Variants in CSMD1 observed in about 807,000 individuals in gnomAD.
CSMD1 encodes the protein CUB and Sushi multiple domains 1, also known as CUB and sushi domain-containing protein 1.
A neutral mutation model predicts 417.5 loss-of-function variants in CSMD1; 213 were observed. The ratio of observed to expected loss-of-function variants is 0.51; its 90% CI spans 0.46 to 0.57. The LOEUF is 0.57. Among genes scored for constraint, CSMD1 ranks in the 20% least tolerant of loss-of-function variants. The probability of loss-of-function intolerance (pLI) is 0.00; values close to 1 mark genes in which losing one functional copy is unlikely to be tolerated. For missense variants in CSMD1, 6,923 were observed against 4,529.7 expected, an observed-to-expected ratio of 1.53 and a Z score of -15.17; for synonymous variants, 2,862 against 1,736.8, an observed-to-expected ratio of 1.65 and a Z score of -16.11.
At chr8:4,277,770 C>G (rs1379015446) in intron 3 of CSMD1, among the ~76,000 whole-genome samples, 1 of 152,078 alleles carries the variant, frequency 6.6e-6, no homozygotes, top group Non-Finnish European at 1.5e-5. Flanking sequence ...TTTTCTGAGA[C>G]GGAGTCTCAC....
chr8:4,793,152 T>G (rs1797784495), intron 1 of CSMD1, among the ~76,000 whole-genome samples: 1 of 152,162 alleles, frequency 6.6e-6, no homozygotes, highest in Admixed American at 6.5e-5. Flanking sequence ...TACCAAATTC[T>G]TTAACCTTCA....
intron 1 of CSMD1, among the ~76,000 whole-genome samples, chr8:4,861,126 C>A (rs2897732): frequency 6.6e-6 from 1 of 151,956 alleles, no homozygotes; most frequent in South Asian, 2.1e-4. Context: ...GAATTTAGTA[C>A]GTATTTAGTG....
chr8:3,553,730 G>A (rs1028524966), intron 10 of CSMD1, among the ~76,000 whole-genome samples: 3 of 152,170 alleles, frequency 2.0e-5, no homozygotes, highest in East Asian at 1.9e-4. Context: ...ATTAAAATAT[G>A]TGAAGTAGAC....
intron 1 of CSMD1, among the ~76,000 whole-genome samples, chr8:4,857,511 G>T (rs1182905674): frequency 6.6e-6 from 1 of 152,094 alleles, no homozygotes; most frequent in South Asian, 2.1e-4. Flanking sequence ...AAAATTGATA[G>T]ACCGCTAGCA....
intron 3 of CSMD1, among the ~76,000 whole-genome samples, chr8:4,378,827 G>T (rs1802917030): frequency 6.6e-6 from 1 of 152,280 alleles, no homozygotes; most frequent in African/African-American, 2.4e-5. Flanking sequence ...CTTCTGCCAT[G>T]TGAGGACACA....
chr8:4,782,487 G>T (rs1231104616), intron 1 of CSMD1, among the ~76,000 whole-genome samples: 2 of 152,072 alleles, frequency 1.3e-5, no homozygotes. Context: ...TCTTATTTAA[G>T]GACCAGAATT....
At chr8:4,890,555 C>T (rs1309258269) in intron 1 of CSMD1, among the ~76,000 whole-genome samples, 1 of 149,702 alleles carries the variant, frequency 6.7e-6, no homozygotes, top group South Asian at 2.1e-4. Context: ...CCTTCAGGTC[C>T]TCACAGTCAT....
intron 5 of CSMD1, among the ~76,000 whole-genome samples, chr8:3,769,768 T>A (rs748166508): frequency 6.6e-6 from 1 of 152,186 alleles, no homozygotes; most frequent in Non-Finnish European, 1.5e-5. Context: ...TTGGTATTAT[T>A]TCTCACAGTC....
intron 1 of CSMD1, among the ~76,000 whole-genome samples, chr8:4,926,053 C>G (rs79339717): frequency 6.6e-6 from 1 of 152,216 alleles, no homozygotes; most frequent in African/African-American, 2.4e-5. Flanking sequence ...AATAAACAAA[C>G]AAATACACAT....
chr8:3,344,954 G>C (rs1196124330), intron 22 of CSMD1, among the ~76,000 whole-genome samples: 2 of 152,174 alleles, frequency 1.3e-5, no homozygotes, highest in Non-Finnish European at 2.9e-5. Context: ...TTTATTCCAT[G>C]TTTTTATTAG....
intron 3 of CSMD1, among the ~76,000 whole-genome samples, chr8:4,401,089 A>C (rs1006135848): frequency 3.9e-4 from 59 of 152,318 alleles, no homozygotes; most frequent in African/African-American, 1.3e-3. Context: ...GTTTTTACAA[A>C]GAAAATTGAA....
At chr8:4,330,456 G>T (rs576548103) in intron 3 of CSMD1, among the ~76,000 whole-genome samples, 2 of 152,104 alleles carry the variant, frequency 1.3e-5, no homozygotes, top group South Asian at 4.2e-4. Flanking sequence ...CATGCATGTT[G>T]GCAGGTGCCT....
intron 2 of CSMD1, among the ~76,000 whole-genome samples, chr8:4,581,642 A>T (rs917626526): frequency 6.6e-6 from 1 of 152,224 alleles, no homozygotes; most frequent in Non-Finnish European, 1.5e-5. Context: ...AAAGAAAGTT[A>T]GTGGAAAGGG....
chr8:4,357,480 C>T (rs1250650479), intron 3 of CSMD1, among the ~76,000 whole-genome samples: 1 of 152,112 alleles, frequency 6.6e-6, no homozygotes, highest in African/African-American at 2.4e-5. Context: ...TCGCCCTCAC[C>T]AACATGGCAT....
intron 10 of CSMD1, among the ~76,000 whole-genome samples, chr8:3,537,363 T>C (rs1407470165): frequency 6.6e-6 from 1 of 152,214 alleles, no homozygotes; most frequent in African/African-American, 2.4e-5. Context: ...TATTGTTGTT[T>C]AGTGTACTTT....
chr8:4,174,002 C>A (rs187399837), intron 3 of CSMD1, among the ~76,000 whole-genome samples: 164 of 152,244 alleles, frequency 1.1e-3, no homozygotes, highest in Non-Finnish European at 2.0e-3. Flanking sequence ...GTGACCATGC[C>A]TGGATCAATC....
At chr8:3,449,717 C>T (rs1306101660) in intron 12 of CSMD1, among the ~76,000 whole-genome samples, 2 of 152,070 alleles carry the variant, frequency 1.3e-5, no homozygotes, top group Non-Finnish European at 2.9e-5. Context: ...AGGGTTTCAC[C>T]ATGTTGGTCA....
In CSMD1 at chr8:3,396,259, A is replaced by T. The variant is rs1453409610; in HGVS notation, c.2528T>A (p.Phe843Tyr). 1.6e-5 allele frequency: 26 copies of T among 1,585,724 alleles called. No homozygotes were observed. The highest frequency in any genetic ancestry group is 2.2e-5 in the Non-Finnish European group (26 of 1,165,812). The change falls in exon 17 of 70, where the codon TTC becomes TAC. Residue 843 changes from phenylalanine to tyrosine, a missense_variant. Coordinates refer to ENST00000635120, the MANE Select transcript of CSMD1 (RefSeq NM_033225.6). ...GTCAGTGGTGAACAGCAGGTACATG[A>T]AGTTCCCGGTGCTGATGAGGAACTG... ...APQFLISTGN[F>Y]MYLLFTTDNS... is the part of the protein sequence containing the mutation.
intron 3 of CSMD1, among the ~76,000 whole-genome samples, chr8:4,316,116 C>G (rs369421682): frequency 6.6e-6 from 1 of 151,808 alleles, no homozygotes; most frequent in Admixed American, 6.6e-5. Flanking sequence ...TATTGTTAAC[C>G]CTCTTAACCA....
Sources: gnomAD v4.1 joint callset for allele counts (sites outside exome capture counted in the v4.1 genomes callset) on GRCh38, gnomAD v4.1.1 for gene constraint, MANE v1.5 for transcripts, NCBI Gene and HGNC (gene_info 2026-07-23, HGNC 2026-07-21) for gene names.